Variants in PHF21B observed in about 807,000 individuals in gnomAD.
The protein encoded by PHF21B is PHD finger protein 4.
Under a neutral mutation model 62.2 loss-of-function variants are expected in PHF21B, and 22 were observed. That is an observed-to-expected ratio of 0.35 (90% CI 0.25 to 0.51). PHF21B has a LOEUF of 0.51. PHF21B is among the 20% of genes least tolerant of loss of function. PHF21B has a pLI of 0.97. For missense variants in PHF21B, 701 were observed against 707.9 expected, an observed-to-expected ratio of 0.99 and a Z score of 0.11; for synonymous variants, 341 against 314.7, an observed-to-expected ratio of 1.08 and a Z score of -0.88.
intron 2 of PHF21B, among the ~76,000 whole-genome samples, chr22:44,922,258 T>G (rs1391923246): frequency 6.6e-6 from 1 of 152,238 alleles, no homozygotes. Context: ...AAAAACCGTA[T>G]GCCGGCCTCA....
At chr22:44,940,160 C>A (rs1601621974) in intron 2 of PHF21B, among the ~76,000 whole-genome samples, 1 of 152,100 alleles carries the variant, frequency 6.6e-6, no homozygotes, top group Non-Finnish European at 1.5e-5. Context: ...GGGCAGGTGC[C>A]ACGGGCTTAG....
intron 5 of PHF21B, among the ~76,000 whole-genome samples, chr22:44,903,474 G>A (rs1022977623): frequency 1.6e-4 from 24 of 151,896 alleles, no homozygotes; most frequent in African/African-American, 5.1e-4. Context: ...ACAAAATGAA[G>A]AAAAAAATTC....
In PHF21B at chr22:45,009,543, G is replaced by C. The variant is rs763155939; in HGVS notation, c.7C>G (p.Leu3Val). Residue 3 changes from leucine (L) to valine (V), a missense_variant, in exon 1 of 13, where the codon CTG becomes GTG. Physicochemically the swap from Leu to Val is conservative, Grantham distance 32. Transcript: ENST00000313237. The surrounding 1 kb of genome is among the most constrained non-coding windows in gnomAD (Gnocchi z 5.9). ME[L>V]QSRPEALAVE... is the part of the protein sequence containing the mutation. ...GCGAGCGCCTCGGGCCGGCTCTGCA[G>C]CTCCATCCCGGCAACTTGGGCAGCA... 1.9e-6 allele frequency: 3 copies of C among 1,574,442 alleles called. No individual in the cohort carries two copies. The highest frequency in any genetic ancestry group is 2.6e-6 in the Non-Finnish European group (3 of 1,169,796).
intron 2 of PHF21B, among the ~76,000 whole-genome samples, chr22:44,992,555 G>A (rs1294280977): frequency 6.6e-6 from 1 of 152,266 alleles, no homozygotes; most frequent in East Asian, 1.9e-4. Context: ...GAGGCGAGGT[G>A]TGTCTTCCAC....
intron 5 of PHF21B, among the ~76,000 whole-genome samples, chr22:44,896,774 T>G (rs1051486094): frequency 6.6e-6 from 1 of 152,156 alleles, no homozygotes; most frequent in Admixed American, 6.5e-5. Context: ...ATTTCTCCAG[T>G]TTTGTAATGA....
intron 2 of PHF21B, among the ~76,000 whole-genome samples, chr22:44,996,888 A>G (rs2073131907): frequency 6.6e-6 from 1 of 152,148 alleles, no homozygotes. Context: ...GCACACAAGC[A>G]TACACAAACG....
intron 2 of PHF21B, among the ~76,000 whole-genome samples, chr22:44,978,463 G>A (rs541239910): frequency 1.1e-4 from 16 of 152,342 alleles, no homozygotes; most frequent in African/African-American, 3.6e-4. Flanking sequence ...GGGTTCAAGC[G>A]ATTCTCCTGC....
chr22:45,001,677 C>T (rs995464560), intron 2 of PHF21B, among the ~76,000 whole-genome samples: 1 of 152,238 alleles, frequency 6.6e-6, no homozygotes, highest in African/African-American at 2.4e-5. Context: ...TTCCATATCC[C>T]CAATAATTTC....
At chr22:45,001,802 G>A (rs926343875) in intron 2 of PHF21B, 12 of 152,248 alleles carry the variant, frequency 7.9e-5, no homozygotes, top group Non-Finnish European at 1.5e-5. Flanking sequence ...CTGGTGCATG[G>A]ACTTGTGTGA....
At chr22:44,897,904 G>A (rs2071088173) in intron 5 of PHF21B, among the ~76,000 whole-genome samples, 1 of 152,110 alleles carries the variant, frequency 6.6e-6, no homozygotes, top group South Asian at 2.1e-4. Flanking sequence ...AAACTCCTGG[G>A]CTCAAGCAAT....
intron 2 of PHF21B, among the ~76,000 whole-genome samples, chr22:44,979,141 A>G (rs773194354): frequency 1.3e-5 from 2 of 152,248 alleles, no homozygotes; most frequent in Admixed American, 1.3e-4. Flanking sequence ...CATCTGGTTC[A>G]TTCTCTCCTG....
At chr22:45,008,390 G>A in intron 2 of PHF21B, 155 bp downstream of exon 2, 1 of 638,696 alleles carries the variant, frequency 1.6e-6, no homozygotes, top group Non-Finnish European at 2.3e-6. Context: ...TTTCTTTCCA[G>A]GAAAGGGGAG....
chr22:44,887,295 G>A (rs969680451), intron 10 of PHF21B, among the ~76,000 whole-genome samples: 4 of 152,132 alleles, frequency 2.6e-5, no homozygotes, highest in Admixed American at 6.5e-5. Context: ...ACTCCCAAGC[G>A]TTTTCTCCCA....
intron 8 of PHF21B, 57 bp from the exon 9 acceptor site, chr22:44,889,839 C>T: frequency 6.6e-7 from 1 of 1,510,806 alleles, no homozygotes; most frequent in Non-Finnish European, 8.8e-7. Flanking sequence ...GAGCACAGAT[C>T]AGGACTGGAG....
intron 2 of PHF21B, among the ~76,000 whole-genome samples, chr22:45,004,970 C>T (rs2073289308): frequency 6.6e-6 from 1 of 152,222 alleles, no homozygotes; most frequent in Admixed American, 6.5e-5. Context: ...AAACAGAAGG[C>T]TCTTCCCAAC....
chr22:44,887,349 C>T (rs2070877574), intron 10 of PHF21B, among the ~76,000 whole-genome samples: 1 of 152,148 alleles, frequency 6.6e-6, no homozygotes, highest in Non-Finnish European at 1.5e-5. Context: ...GATTCCCAAA[C>T]TATATAGCAG....
At chr22:44,891,489 C>G in intron 7 of PHF21B, 129 bp from the exon 8 acceptor site, 1 of 1,086,980 alleles carries the variant, frequency 9.2e-7, no homozygotes, top group Non-Finnish European at 1.4e-6. Context: ...TGGCTGGACA[C>G]CCCCTGCCAG....
At chr22:44,939,940 A>C (rs2071923659) in intron 2 of PHF21B, among the ~76,000 whole-genome samples, 1 of 152,116 alleles carries the variant, frequency 6.6e-6, no homozygotes, top group Admixed American at 6.6e-5. Flanking sequence ...AAGCAGGAAG[A>C]GTGATGTATC....
chr22:44,916,526 G>A lies in PHF21B; in HGVS notation c.318C>T (p.Val106=). The A allele has an allele frequency of 6.2e-7, 1 of 1,609,814 alleles. No homozygotes were observed. The part of the protein sequence containing the change: ...PTFQKATVVS[V]KNPSPALPTA... The stretch of plus-strand genomic sequence containing the variant: ...TGGGGAGGGCTGGGCTGGGGTTCTT[G>A]ACGCTGACCACGGTGGCCTTCTGGA... The change falls in exon 4 of 13, where the codon GTC becomes GTT. Residue 106 remains valine (V), a synonymous_variant. Transcript: ENST00000313237.
Sources: allele counts gnomAD v4.1 joint callset (sites outside exome capture counted in the v4.1 genomes callset), GRCh38; gene constraint gnomAD v4.1.1; non-coding constraint Gnocchi (gnomAD v3.1); transcripts MANE v1.5; gene names NCBI Gene and HGNC (gene_info 2026-07-23, HGNC 2026-07-21).